The following RABGEF1 variants were observed in gnomAD, a reference collection of about 807,000 sequenced individuals.
The protein encoded by RABGEF1 is rab5 GDP/GTP exchange factor.
Under a neutral mutation model 57.3 loss-of-function variants are expected in RABGEF1, and 26 were observed. The ratio of observed to expected loss-of-function variants is 0.45; its 90% CI spans 0.33 to 0.63. The LOEUF (loss-of-function observed/expected upper bound fraction) is 0.63, where lower values mean the gene tolerates loss of function less well. Among genes scored for constraint, RABGEF1 ranks in the 20% least tolerant of loss-of-function variants. The pLI is 0.02. For synonymous variants in RABGEF1, 185 were observed against 210.7 expected (o/e 0.88, Z 1.06); for missense variants, 464 against 607.6 (o/e 0.76, Z 2.48).
intron 1 of RABGEF1, among the ~76,000 whole-genome samples, chr7:66,687,496 A>G (rs1236437948): frequency 2.6e-5 from 4 of 151,020 alleles, no homozygotes; most frequent in Non-Finnish European, 4.4e-5. Flanking sequence ...AAAAAAAAAA[A>G]AAAGAAAGAA....
upstream of RABGEF1, chr7:66,739,812 TTACGCCA>T (rs1315281470): frequency 2.6e-5 from 4 of 152,254 alleles, no homozygotes; most frequent in Admixed American, 1.3e-4. Flanking sequence ...TGACTGCACG[TTACGCCA>T]TACATGGCAT....
chr7:66,797,249 A>G, intron 5 of RABGEF1, 125 bp from the exon 6 acceptor site: 10 of 1,008,896 alleles, frequency 9.9e-6, no homozygotes, highest in Non-Finnish European at 1.4e-5. Flanking sequence ...GGTTTCAGTG[A>G]GCCAAGGTCA....
At position 66,784,623 on chromosome 7, in the gene RABGEF1, G is replaced by T. The variant is rs140321326; in HGVS notation, c.513+782G>T. Among the ~76,000 whole-genome samples, 1,161 of 152,338 alleles carry T rather than the reference G, an allele frequency of 7.6e-3. 18 individuals are homozygous for T. The highest frequency in any genetic ancestry group is 0.026 in the African/African-American group (1,093 of 41,582). On this transcript the variant is annotated intron_variant, in intron 4 of 8. Coordinates refer to ENST00000284957, the MANE Select transcript of RABGEF1 (RefSeq NM_014504.3). ...AAAAGGAAATTAGAAAAGCAGCAGGGTGTTTAACTGTTTAGCTATATTCTA... is the reference window on the plus strand; with the variant it reads ...AAAAGGAAATTAGAAAAGCAGCAGGTTGTTTAACTGTTTAGCTATATTCTA...
At chr7:66,699,649 G>A (rs1054886626) in intron 1 of RABGEF1, among the ~76,000 whole-genome samples, 2 of 151,426 alleles carry the variant, frequency 1.3e-5, no homozygotes, top group African/African-American at 4.9e-5. Context: ...CTGGGATCGT[G>A]CCACTGCACT....
chr7:66,805,059 T>G (rs1788141684), intron 7 of RABGEF1, 81 bp from the exon 8 acceptor site: 5 of 1,451,722 alleles, frequency 3.4e-6, no homozygotes, highest in Non-Finnish European at 4.8e-6. Context: ...TTCATAACTT[T>G]AGAGATAAAA....
chr7:66,698,242 A>G (rs1792654387), intron 1 of RABGEF1, among the ~76,000 whole-genome samples: 1 of 152,198 alleles, frequency 6.6e-6, no homozygotes, highest in African/African-American at 2.4e-5. Flanking sequence ...CAGTGCATGC[A>G]CAGCAAGGCC....
upstream of RABGEF1, among the ~76,000 whole-genome samples, chr7:66,681,694 T>C (rs577963380): frequency 6.6e-6 from 1 of 152,222 alleles, no homozygotes; most frequent in Admixed American, 6.5e-5. Flanking sequence ...ATCAAACGAT[T>C]GGCTTAAGAC....
chr7:66,670,928 T>C, the RABGEF1 span, among the ~76,000 whole-genome samples: 51 of 138,932 alleles, frequency 3.7e-4, no homozygotes, highest in African/African-American at 1.2e-3. Context: ...CACACACATA[T>C]GTGCTCTGAT....
intron 2 of RABGEF1, among the ~76,000 whole-genome samples, chr7:66,725,839 C>T (rs556067096): frequency 7.4e-4 from 113 of 152,314 alleles, no homozygotes; most frequent in Non-Finnish European, 1.3e-3. Flanking sequence ...GAGTTACACC[C>T]ATGCTTTGGA....
intron 1 of RABGEF1, among the ~76,000 whole-genome samples, chr7:66,702,141 G>A (rs1474759335): frequency 1.3e-5 from 2 of 152,154 alleles, no homozygotes; most frequent in Non-Finnish European, 2.9e-5. Context: ...CATATTAATA[G>A]AATCAACAGT....
At chr7:66,729,439 C>T (rs1312463361) in intron 2 of RABGEF1, among the ~76,000 whole-genome samples, 1 of 151,938 alleles carries the variant, frequency 6.6e-6, no homozygotes, top group Non-Finnish European at 1.5e-5. Context: ...CCCGTCTATT[C>T]TCCTCTCCAA....
intron 1 of RABGEF1, among the ~76,000 whole-genome samples, chr7:66,744,189 G>A (rs1420994119): frequency 3.3e-5 from 5 of 151,576 alleles, no homozygotes; most frequent in South Asian, 2.1e-4. Flanking sequence ...ATAGATAGGC[G>A]CGCGCCACCA....
chr7:66,803,888 CAA>C (rs761300031), intron 7 of RABGEF1, among the ~76,000 whole-genome samples: 49 of 108,570 alleles, frequency 4.5e-4, no homozygotes, highest in Admixed American at 6.8e-4. Flanking sequence ...GATGCTGTCT[CAA>C]AAAAAAAAAA....
At chr7:66,801,388 GA>G (rs1787259948) in intron 7 of RABGEF1, among the ~76,000 whole-genome samples, 1 of 152,152 alleles carries the variant, frequency 6.6e-6, no homozygotes, top group African/African-American at 2.4e-5. Context: ...GTATTACAGA[GA>G]ATCCTGTTAT....
rs888301191 is a variant in RABGEF1 at position 66,730,557 on chromosome 7, C to CTTT, written c.-814-9423_-814-9421dup. On this transcript the variant is annotated intron_variant and NMD_transcript_variant, in intron 2 of 9. Coordinates refer to the RABGEF1 transcript ENST00000607882. ...CACATATAGCACTTGGTTTCTTTTT[C>CTTT]TTTTTTTTTTTTTTTTTTGGTGGCA... Among the ~76,000 whole-genome samples the CTTT allele has an allele frequency of 5.0e-3, 649 of 130,826 alleles. 13 individuals carry two copies. Among genetic ancestry groups the CTTT allele is most frequent in the East Asian group, 0.034 (156 of 4,578 alleles). 85.8% of individuals were successfully genotyped at this position (130,826 alleles called of 152,430 possible).
At chr7:66,692,202 A>C (rs1791621027) in intron 1 of RABGEF1, among the ~76,000 whole-genome samples, 1 of 152,238 alleles carries the variant, frequency 6.6e-6, no homozygotes, top group Admixed American at 6.5e-5. Flanking sequence ...CAGATTAAGA[A>C]GTTTCATCAT....
At chr7:66,792,051 G>T (rs1812801499) in intron 4 of RABGEF1, among the ~76,000 whole-genome samples, 1 of 151,374 alleles carries the variant, frequency 6.6e-6, no homozygotes, top group Non-Finnish European at 1.5e-5. Flanking sequence ...GGCGTAGGTT[G>T]CAGTGAACTG....
chr7:66,692,152 G>A lies in RABGEF1; in HGVS notation c.-873+9894G>A, dbSNP rs73377547. ...TGCACTAGTTACATTTCTAGCACTC[G>A]GTAGCTCTACCGGCTGCCATACTGA... On this transcript the variant is annotated intron_variant and NMD_transcript_variant, in intron 1 of 9. Transcript: ENST00000607882. Among the ~76,000 whole-genome samples the A allele has an allele frequency of 1.7e-3, 254 of 152,276 alleles. 1 individual carries two copies. Among genetic ancestry groups the A allele is most frequent in the African/African-American group, 5.9e-3 (247 of 41,570 alleles).
At chr7:66,663,504 GGAGGTGGAGGTTGAAGTGAGCTGAGATCA>G in the RABGEF1 span, among the ~76,000 whole-genome samples, 1 of 151,308 alleles carries the variant, frequency 6.6e-6, no homozygotes, top group Non-Finnish European at 1.5e-5. Flanking sequence ...CTTGAACCTG[GGAGGTGGAGGTTGAAGTGAGCTGAGATCA>G]CGCCACTGCA....
Sources: allele counts gnomAD v4.1 joint callset (sites outside exome capture counted in the v4.1 genomes callset), GRCh38; gene constraint gnomAD v4.1.1; transcripts MANE v1.5; gene names NCBI Gene and HGNC (gene_info 2026-07-23, HGNC 2026-07-21).